Variants in LRP1B observed in about 807,000 individuals in gnomAD.
LRP1B encodes the protein low-density lipoprotein receptor-related protein 1B.
A neutral mutation model predicts 556.6 loss-of-function variants in LRP1B; 217 were observed. That is an observed-to-expected ratio of 0.39 (90% confidence interval 0.35 to 0.44). The LOEUF (loss-of-function observed/expected upper bound fraction) is 0.44, where lower values mean the gene tolerates loss of function less well. LRP1B is among the 20% of genes least tolerant of loss of function. The probability of loss-of-function intolerance (pLI) is 1.00; values close to 1 mark genes in which losing one functional copy is unlikely to be tolerated. For missense variants in LRP1B, 5,053 were observed against 5,620.8 expected, an observed-to-expected ratio of 0.90 and a Z score of 3.23; for synonymous variants, 2,047 against 1,865.8, an observed-to-expected ratio of 1.10 and a Z score of -2.50.
At chr2:142,051,121 G>T (rs1375536166) in intron 1 of LRP1B, among the ~76,000 whole-genome samples, 2 of 151,982 alleles carry the variant, frequency 1.3e-5, no homozygotes, top group East Asian at 3.9e-4. Flanking sequence ...AGAGAGTATG[G>T]CCAGTAAAGT....
chr2:140,298,361 A>G (rs1413403278), intron 83 of LRP1B, among the ~76,000 whole-genome samples: 1 of 152,180 alleles, frequency 6.6e-6, no homozygotes, highest in Non-Finnish European at 1.5e-5. Flanking sequence ...CTAAAATACA[A>G]TTTCACATTG....
chr2:140,478,306 C>T (rs1029235170), intron 59 of LRP1B, among the ~76,000 whole-genome samples: 10 of 151,760 alleles, frequency 6.6e-5, no homozygotes, highest in South Asian at 2.1e-4. Flanking sequence ...CCCGCCACCA[C>T]GCCTGGCTAA....
intron 29 of LRP1B, among the ~76,000 whole-genome samples, chr2:140,842,632 T>C (rs1559151235): frequency 6.6e-6 from 1 of 152,046 alleles, no homozygotes; most frequent in Non-Finnish European, 1.5e-5. Flanking sequence ...AAAAGTAATA[T>C]ACCACCTCCT....
intron 3 of LRP1B, among the ~76,000 whole-genome samples, chr2:141,444,289 G>T (rs1234095250): frequency 2.0e-5 from 3 of 152,166 alleles, no homozygotes; most frequent in Non-Finnish European, 4.4e-5. Flanking sequence ...TTTGTATCCT[G>T]AGAGTTTGCT....
At chr2:141,852,764 C>T (rs1335403861) in intron 1 of LRP1B, among the ~76,000 whole-genome samples, 1 of 151,132 alleles carries the variant, frequency 6.6e-6, no homozygotes, top group Admixed American at 6.6e-5. Flanking sequence ...AAAGCTGAAC[C>T]TATAAAATAA....
chr2:140,936,371 A>G (rs1334119679), intron 20 of LRP1B, among the ~76,000 whole-genome samples: 3 of 116,900 alleles, frequency 2.6e-5, no homozygotes, highest in African/African-American at 9.3e-5. Flanking sequence ...AAGAAAGGAA[A>G]AAAGAAAAGA....
intron 1 of LRP1B, among the ~76,000 whole-genome samples, chr2:141,822,130 C>CACACAGAGAG (rs374369026): frequency 2.3e-4 from 22 of 95,892 alleles, no homozygotes; most frequent in East Asian, 1.7e-3. Flanking sequence ...CACACACACA[C>CACACAGAGAG]AGAGAGAGAG....
At chr2:140,486,489 T>C (rs1688477593) in intron 58 of LRP1B, among the ~76,000 whole-genome samples, 1 of 151,920 alleles carries the variant, frequency 6.6e-6, no homozygotes, top group African/African-American at 2.4e-5. Context: ...AAAGATGTAT[T>C]TTATCTTTAC....
intron 60 of LRP1B, among the ~76,000 whole-genome samples, chr2:140,470,796 T>G (rs1208962467): frequency 2.0e-5 from 3 of 151,920 alleles, no homozygotes; most frequent in Non-Finnish European, 4.4e-5. Context: ...GCAACTGAGG[T>G]CCAGGGAATT....
At chr2:141,465,294 C>CAGTG (rs1340751169) in intron 3 of LRP1B, among the ~76,000 whole-genome samples, 1 of 151,446 alleles carries the variant, frequency 6.6e-6, no homozygotes, top group African/African-American at 2.4e-5. Context: ...GTGGGATATG[C>CAGTG]AGTGGCTAGG....
Position 142,115,537 on chromosome 2 carries a change from CATATGTAATATATATATT to C in LRP1B, c.82+15093_82+15110del, listed in dbSNP as rs1707176795. Among the ~76,000 whole-genome samples, 14 of 14,712 alleles carry C rather than the reference CATATGTAATATATATATT, an allele frequency of 9.5e-4. 2 individuals are homozygous for C. In the South Asian group the frequency reaches 0.012, roughly 13 times the overall value. The allele number at this position is 14,712 out of a possible 152,430, so 9.7% of individuals were successfully genotyped here. On this transcript the variant is annotated intron_variant, in intron 1 of 90. Transcript: ENST00000389484. Reference sequence around the variant, plus strand: ...TATTACATATATAATATATATATTACATATGTAATATATATATTATATATGTAATATATATTATATATG... The same window carrying C: ...TATTACATATATAATATATATATTACATATATGTAATATATATTATATATG...
rs114291597 is a variant in LRP1B, at chr2:140,518,389, T to C, written c.8027-1378A>G. Among the ~76,000 whole-genome samples the C allele has an allele frequency of 2.0e-3, 300 of 152,268 alleles. 2 individuals are homozygous for C. The highest frequency in any genetic ancestry group is 3.7e-3 in the Non-Finnish European group (252 of 68,032). Reference sequence around the variant, plus strand: ...ATGTCCCTTTCTTTCTTACCAAATATAAAAGTTGTGATTCTCTATTAGTGT... The same window carrying C: ...ATGTCCCTTTCTTTCTTACCAAATACAAAAGTTGTGATTCTCTATTAGTGT... On this transcript the variant is annotated intron_variant, in intron 49 of 90. Coordinates refer to ENST00000389484, the MANE Select transcript of LRP1B (RefSeq NM_018557.3).
chr2:141,482,538 T>G (rs1682959256), intron 2 of LRP1B, among the ~76,000 whole-genome samples: 1 of 151,996 alleles, frequency 6.6e-6, no homozygotes. Flanking sequence ...ATAATTTGTA[T>G]AAATATACAA....
intron 11 of LRP1B, among the ~76,000 whole-genome samples, chr2:141,047,339 A>G (rs1164665256): frequency 1.3e-5 from 2 of 152,062 alleles, no homozygotes; most frequent in Non-Finnish European, 2.9e-5. Flanking sequence ...AAAAACAGGT[A>G]CGTTTTTATT....
At chr2:141,891,479 G>A (rs1004703379) in intron 1 of LRP1B, among the ~76,000 whole-genome samples, 5 of 151,986 alleles carry the variant, frequency 3.3e-5, no homozygotes, top group Admixed American at 3.3e-4. Flanking sequence ...TTAACCTTAA[G>A]CAAAGGTTAT....
intron 1 of LRP1B, among the ~76,000 whole-genome samples, chr2:141,876,863 C>T (rs996439530): frequency 2.0e-5 from 3 of 151,876 alleles, no homozygotes; most frequent in East Asian, 1.9e-4. Flanking sequence ...CTTGAAGATT[C>T]GATTAAAGTC....
intron 2 of LRP1B, among the ~76,000 whole-genome samples, chr2:141,487,123 AC>A (rs1205811358): frequency 1.3e-4 from 19 of 151,852 alleles, no homozygotes; most frequent in African/African-American, 4.4e-4. Flanking sequence ...AATCCCCTCC[AC>A]CTTTTGCCTG....
intron 1 of LRP1B, among the ~76,000 whole-genome samples, chr2:141,918,264 G>C (rs1031219621): frequency 6.6e-6 from 1 of 151,684 alleles, no homozygotes; most frequent in Non-Finnish European, 1.5e-5. Flanking sequence ...TGCATTGCTC[G>C]ATACGTTACA....
At chr2:140,724,989 C>A (rs1054487021) in intron 35 of LRP1B, among the ~76,000 whole-genome samples, 2 of 152,036 alleles carry the variant, frequency 1.3e-5, no homozygotes, top group African/African-American at 4.8e-5. Flanking sequence ...AATAGGTAGG[C>A]CCAGGAATAC....
Sources: gnomAD v4.1 joint callset for allele counts (sites outside exome capture counted in the v4.1 genomes callset) on GRCh38, gnomAD v4.1.1 for gene constraint, MANE v1.5 for transcripts, NCBI Gene and HGNC (gene_info 2026-07-23, HGNC 2026-07-21) for gene names.